PTPN4: variants seen among roughly 807,000 people sequenced by gnomAD.
PTPN4 encodes tyrosine-protein phosphatase non-receptor type 4.
In PTPN4, 49 loss-of-function variants were observed where a neutral mutation model predicts 135.5. That is an observed-to-expected ratio of 0.36 (90% CI 0.29 to 0.46). The LOEUF (loss-of-function observed/expected upper bound fraction) is 0.46, where lower values mean the gene tolerates loss of function less well. Among genes scored for constraint, PTPN4 ranks in the 20% least tolerant of loss-of-function variants. The probability of loss-of-function intolerance (pLI) is 1.00; values close to 1 mark genes in which losing one functional copy is unlikely to be tolerated. For synonymous variants in PTPN4, 333 were observed against 369.9 expected (o/e 0.90, Z 1.14); for missense variants, 860 against 1,101.0 (o/e 0.78, Z 3.10).
At chr2:119,894,584 A>G (rs910405493) in intron 9 of PTPN4, among the ~76,000 whole-genome samples, 1 of 152,244 alleles carries the variant, frequency 6.6e-6, no homozygotes, top group African/African-American at 2.4e-5. Flanking sequence ...CTTTATGCCT[A>G]ACTACATTAA....
chr2:119,830,849 C>T (rs1217697746), intron 2 of PTPN4, among the ~76,000 whole-genome samples: 1 of 152,134 alleles, frequency 6.6e-6, no homozygotes, highest in Non-Finnish European at 1.5e-5. Context: ...TTCCTGAGGC[C>T]TCCCCAGAAG....
rs533501499 is a variant in PTPN4 at position 119,772,116 on chromosome 2, A to G, written c.-18+11732A>G. Among the ~76,000 whole-genome samples, 14 of 152,334 alleles carry G rather than the reference A, an allele frequency of 9.2e-5. No homozygotes were observed. In the South Asian group the frequency reaches 2.3e-3, roughly 25 times the overall value. On this transcript the variant is annotated intron_variant, in intron 1 of 26. Transcript: ENST00000263708. The stretch of plus-strand genomic sequence containing the variant: ...TCATTACAAATGCCAAGGACTTCCA[A>G]ATTGTTTCATTTGCATTGAAATAAG...
chr2:119,864,435 T>C lies in PTPN4; in HGVS notation c.246+1792T>C, dbSNP rs188499429. 2.4e-4 allele frequency among the ~76,000 whole-genome samples: 37 copies of C among 152,234 alleles called. 1 individual carries two copies. Among genetic ancestry groups the C allele is most frequent in the Non-Finnish European group, 4.3e-4 (29 of 67,968 alleles). On this transcript the variant is annotated intron_variant, in intron 3 of 26. Coordinates refer to ENST00000263708, the MANE Select transcript of PTPN4 (RefSeq NM_002830.4). ...GCAAATACCTGAAAGGTGACTGTTA[T>C]ACCTCATTAAGTATACCTCGTGAAG... is the stretch of plus-strand genomic sequence containing the variant.
At chr2:119,812,967 G>A (rs1676922853) in intron 2 of PTPN4, among the ~76,000 whole-genome samples, 1 of 152,136 alleles carries the variant, frequency 6.6e-6, no homozygotes, top group Admixed American at 6.5e-5. Flanking sequence ...TAGTTACTGT[G>A]ACTGCGTAAG....
chr2:119,935,016 T>C (rs1678961437), intron 15 of PTPN4, 58 bp downstream of exon 15: 5 of 1,497,430 alleles, frequency 3.3e-6, no homozygotes, highest in South Asian at 2.4e-5. Context: ...ATTGCTTTAC[T>C]TAAAATAATC....
In PTPN4 at chr2:119,885,989, C is replaced by T. The variant is rs1574387745; in HGVS notation, c.675+107C>T. Reference sequence around the variant, plus strand: ...TGGAATAAGTTATGATTGCTGCTGACACAGCTGCACTGAAAATTTCCTCTG... The same window carrying T: ...TGGAATAAGTTATGATTGCTGCTGATACAGCTGCACTGAAAATTTCCTCTG... On this transcript the variant is annotated intron_variant, in intron 9 of 26. Transcript: ENST00000263708. 21 of 697,848 alleles carry T rather than the reference C, an allele frequency of 3.0e-5. No individual in the cohort carries two copies. The East Asian group carries it at 6.0e-4, about 20-fold the overall frequency. The allele number at this position is 697,848 out of a possible 1,614,324, so 43.2% of individuals were successfully genotyped here.
intron 3 of PTPN4, among the ~76,000 whole-genome samples, chr2:119,867,573 G>C (rs971442590): frequency 1.9e-4 from 29 of 152,226 alleles, no homozygotes; most frequent in African/African-American, 7.0e-4. Context: ...ATACAGTTAA[G>C]TTTGTGTATT....
Position 119,882,619 on chromosome 2 carries a change from C to T in PTPN4, c.583C>T (p.His195Tyr), listed in dbSNP as rs1349395935. The change falls in exon 8 of 27, where the codon CAC becomes TAC. Residue 195 changes from histidine (H) to tyrosine (Y), a missense_variant. By Grantham distance (83) the His-to-Tyr change is moderately conservative. This residue lies in a region of PTPN4 where 684 missense variants were observed against 807.0 expected (regional missense o/e 0.85). Transcript: ENST00000263708. The stretch of plus-strand genomic sequence containing the variant: ...AGAAATTGCAAAATTACATCAGCAA[C>T]ACATGTAAGAGTTTTTTAGTTTTTT... ...EKEIAKLHQQ[H>Y]IGLSPAEAEF... is the part of the protein sequence containing the mutation. The T allele has an allele frequency of 3.3e-6, 5 of 1,526,016 alleles. No homozygotes were observed. The highest frequency in any genetic ancestry group is 4.5e-6 in the Non-Finnish European group (5 of 1,122,696). The allele number at this position is 1,526,016 out of a possible 1,614,324, so 94.5% of individuals were successfully genotyped here.
intron 12 of PTPN4, among the ~76,000 whole-genome samples, chr2:119,924,306 CA>C (rs1305952880): frequency 6.6e-6 from 1 of 151,066 alleles, no homozygotes; most frequent in African/African-American, 2.4e-5. Flanking sequence ...CACTGGAAAC[CA>C]GTTTAATTTT....
intron 2 of PTPN4, among the ~76,000 whole-genome samples, chr2:119,830,652 G>A (rs1339370976): frequency 1.3e-5 from 2 of 152,046 alleles, no homozygotes; most frequent in East Asian, 1.9e-4. Context: ...ATTTTTAGTA[G>A]AGACGGGGTT....
intron 1 of PTPN4, among the ~76,000 whole-genome samples, chr2:119,787,493 T>G (rs1171787626): frequency 6.6e-6 from 1 of 152,240 alleles, no homozygotes; most frequent in Non-Finnish European, 1.5e-5. Flanking sequence ...TAACACTTTA[T>G]GTATGTAATA....
At chr2:119,785,014 A>G (rs2104931228) in intron 1 of PTPN4, among the ~76,000 whole-genome samples, 1 of 152,284 alleles carries the variant, frequency 6.6e-6, no homozygotes, top group South Asian at 2.1e-4. Context: ...TTAACAGTAG[A>G]TTAGAGTTTC....
At chr2:119,931,472 T>TA (rs1678906806) in intron 13 of PTPN4, among the ~76,000 whole-genome samples, 1 of 148,270 alleles carries the variant, frequency 6.7e-6, no homozygotes, top group South Asian at 2.2e-4. Context: ...GACAGGGTTT[T>TA]ACTCTTGTCA....
At chr2:119,891,397 A>T (rs1034418752) in intron 9 of PTPN4, among the ~76,000 whole-genome samples, 2 of 152,148 alleles carry the variant, frequency 1.3e-5, no homozygotes, top group African/African-American at 4.8e-5. Flanking sequence ...ATCTCAGGTC[A>T]CTGCAACCTC....
chr2:119,876,119 T>C (rs1677979476), intron 3 of PTPN4, among the ~76,000 whole-genome samples: 2 of 152,124 alleles, frequency 1.3e-5, no homozygotes. Context: ...CCATTATGGC[T>C]GGAATTTAGT....
chr2:119,860,465 A>G (rs1310792409), intron 2 of PTPN4, among the ~76,000 whole-genome samples: 1 of 152,234 alleles, frequency 6.6e-6, no homozygotes, highest in African/African-American at 2.4e-5. Context: ...CAACACTTGG[A>G]ATGCAGATGA....
At chr2:119,771,820 T>C in intron 1 of PTPN4, among the ~76,000 whole-genome samples, 1 of 152,260 alleles carries the variant, frequency 6.6e-6, no homozygotes, top group East Asian at 1.9e-4. Flanking sequence ...TTAGTTGTTA[T>C]AAGTCCATTA....
rs186631224 is a variant in PTPN4, at chr2:119,895,458, G to A, written c.676-5260G>A. ...AGTTTGAGACCAGCCTGGCCAAAATGGCCAAACCCCGTCTCTACTAAAAGT... is the reference window on the plus strand; with the variant it reads ...AGTTTGAGACCAGCCTGGCCAAAATAGCCAAACCCCGTCTCTACTAAAAGT... On this transcript the variant is annotated intron_variant, in intron 9 of 26. Transcript: ENST00000263708. Among the ~76,000 whole-genome samples, 16 of 152,280 alleles carry A rather than the reference G, an allele frequency of 1.1e-4. No homozygotes were observed. In the East Asian group the frequency reaches 1.2e-3, roughly 11 times the overall value.
intron 1 of PTPN4, among the ~76,000 whole-genome samples, chr2:119,772,160 TCTTA>T (rs2104921343): frequency 6.6e-6 from 1 of 152,368 alleles, no homozygotes; most frequent in African/African-American, 2.4e-5. Flanking sequence ...TTCTAATTTA[TCTTA>T]CTGTTTCCAG....
Sources: allele counts gnomAD v4.1 joint callset (sites outside exome capture counted in the v4.1 genomes callset), GRCh38; gene constraint gnomAD v4.1.1; regional missense constraint gnomAD v4.1.1; transcripts MANE v1.5; gene names NCBI Gene and HGNC (gene_info 2026-07-23, HGNC 2026-07-21).